PCDHA2: variants seen among roughly 807,000 people sequenced by gnomAD.
The protein encoded by PCDHA2 is protocadherin alpha-2.
A neutral mutation model predicts 66.0 loss-of-function variants in PCDHA2; 58 were observed. The observed-to-expected ratio is 0.88, with a 90% CI of 0.71 to 1.09. PCDHA2 has a LOEUF of 1.09. Ranked by LOEUF, PCDHA2 falls within the 50% of genes least tolerant of loss-of-function variation. The pLI, the probability that PCDHA2 is intolerant of heterozygous loss-of-function variation, is 0.00. For missense variants in PCDHA2, 1,267 were observed against 1,242.3 expected (o/e 1.02, Z -0.30); for synonymous variants, 634 against 554.0 (o/e 1.14, Z -2.03).
intron 1 of PCDHA2, chr5:140,929,268 AAT>A (rs782372972): frequency 7.4e-6 from 12 of 1,611,594 alleles, no homozygotes; most frequent in Non-Finnish European, 1.0e-5. Flanking sequence ...TGAATTTGCC[AAT>A]ATCCTGTATT....
At chr5:140,987,211 C>A (rs1190567678) in intron 3 of PCDHA2, among the ~76,000 whole-genome samples, 1 of 145,070 alleles carries the variant, frequency 6.9e-6, no homozygotes, top group South Asian at 2.1e-4. Flanking sequence ...GAGACTCCAT[C>A]TCAAAAAAAA....
At position 140,849,164 on chromosome 5, in the gene PCDHA2, T is replaced by G. The variant is rs2150431781; in HGVS notation, c.2388+51812T>G. 3.3e-5 allele frequency: 39 copies of G among 1,167,302 alleles called. 1 individual carries two copies. The highest frequency in any genetic ancestry group is 4.4e-5 in the Non-Finnish European group (37 of 840,698). The allele number at this position is 1,167,302 out of a possible 1,614,324, so 72.3% of individuals were successfully genotyped here. On this transcript the variant is annotated intron_variant, in intron 1 of 3. Coordinates refer to ENST00000526136, the MANE Select transcript of PCDHA2 (RefSeq NM_018905.3). The stretch of plus-strand genomic sequence containing the variant: ...CCGATGGAGGCAAACCCGAGCTGAC[T>G]GGCACCGTTCAATTACTCATCACGG...
chr5:140,882,720 G>T, intron 1 of PCDHA2: 2 of 1,614,198 alleles, frequency 1.2e-6, no homozygotes, highest in Non-Finnish European at 1.7e-6. Context: ...CCGGAAACTC[G>T]ATTTCCACTA....
Position 140,835,448 on chromosome 5 carries a change from G to T in PCDHA2, c.2388+38096G>T, listed in dbSNP as rs2150235921. On this transcript the variant is annotated intron_variant, in intron 1 of 3. Transcript: ENST00000526136. The stretch of plus-strand genomic sequence containing the variant: ...CTCCACAGTTGACTCTCACTTCCCT[G>T]TCTCTCCCTATTCCAGAGGACGCCC... 11 of 1,613,768 alleles carry T rather than the reference G, an allele frequency of 6.8e-6. No homozygotes were observed. The South Asian group carries it at 1.2e-4, about 18-fold the overall frequency.
intron 3 of PCDHA2, among the ~76,000 whole-genome samples, chr5:141,005,012 G>T (rs782256217): frequency 3.3e-5 from 5 of 152,212 alleles, no homozygotes; most frequent in Non-Finnish European, 4.4e-5. Context: ...CCTGAGAGCT[G>T]CATTATATAT....
At chr5:140,809,305 G>T in intron 1 of PCDHA2, 1 of 1,614,114 alleles carries the variant, frequency 6.2e-7, no homozygotes, top group Non-Finnish European at 8.5e-7. Context: ...CCATCTGCGC[G>T]GTGTCCAGCC....
At chr5:140,833,622 A>T (rs2150209848) in intron 1 of PCDHA2, among the ~76,000 whole-genome samples, 1 of 152,190 alleles carries the variant, frequency 6.6e-6, no homozygotes, top group East Asian at 1.9e-4. Context: ...AATTCAGAAT[A>T]CTTCCTCCTC....
At chr5:140,960,476 A>G (rs900807612) in intron 1 of PCDHA2, among the ~76,000 whole-genome samples, 3 of 152,178 alleles carry the variant, frequency 2.0e-5, no homozygotes, top group South Asian at 2.1e-4. Context: ...TCCTTCTTAC[A>G]CAGAGGTGTA....
chr5:140,871,444 A>C (rs782085925), intron 1 of PCDHA2: 1 of 1,610,088 alleles, frequency 6.2e-7, no homozygotes, highest in Non-Finnish European at 8.5e-7. Context: ...AGGTCTGAAT[A>C]AAGAGGAGGA....
At chr5:140,805,411 T>C (rs113198272) in intron 1 of PCDHA2, 1 of 1,074,058 alleles carries the variant, frequency 9.3e-7, no homozygotes, top group African/African-American at 1.7e-5. Flanking sequence ...AGAAATTTGG[T>C]GGGTTTTTTG....
intron 1 of PCDHA2, chr5:140,968,160 A>G: frequency 7.4e-6 from 12 of 1,614,104 alleles, no homozygotes; most frequent in Non-Finnish European, 1.0e-5. Context: ...ATCAATGACA[A>G]TCCACCAAGC....
At chr5:140,989,839 AGT>A (rs1161936815) in intron 3 of PCDHA2, among the ~76,000 whole-genome samples, 2 of 152,166 alleles carry the variant, frequency 1.3e-5, no homozygotes, top group Non-Finnish European at 2.9e-5. Context: ...CCTGTCAATG[AGT>A]GTGTGGACTG....
Position 140,801,563 on chromosome 5 carries a change from A to G in PCDHA2, c.2388+4211A>G, listed in dbSNP as rs1554121549. On this transcript the variant is annotated intron_variant, in intron 1 of 3. Coordinates refer to ENST00000526136, the MANE Select transcript of PCDHA2 (RefSeq NM_018905.3). ...TGCAGGTTTTCCATGTGGAGGTGGA[A>G]GTGAAGGACATTAATGACAACGCGC... 4 of 1,614,230 alleles carry G rather than the reference A, an allele frequency of 2.5e-6. No homozygotes were observed. The East Asian group carries it at 6.7e-5, about 27-fold the overall frequency.
intron 1 of PCDHA2, chr5:140,823,390 G>C: frequency 1.9e-6 from 3 of 1,612,906 alleles, no homozygotes; most frequent in Non-Finnish European, 2.5e-6. Context: ...CGCGCGCGAC[G>C]CGGGCGTGCC....
intron 1 of PCDHA2, among the ~76,000 whole-genome samples, chr5:140,907,616 G>A (rs2073492016): frequency 6.6e-6 from 1 of 152,216 alleles, no homozygotes; most frequent in Non-Finnish European, 1.5e-5. Flanking sequence ...CATATCAAGG[G>A]CTCAGTGTTG....
chr5:140,823,040 T>C (rs2150121625), intron 1 of PCDHA2: 2 of 1,614,210 alleles, frequency 1.2e-6, no homozygotes, highest in Admixed American at 1.7e-5. Context: ...GTCTATGAGC[T>C]GGTGGTGACC....
At chr5:141,000,921 C>T (rs562554000) in intron 3 of PCDHA2, among the ~76,000 whole-genome samples, 1 of 152,006 alleles carries the variant, frequency 6.6e-6, no homozygotes, top group Non-Finnish European at 1.5e-5. Flanking sequence ...AAAAAAAAAT[C>T]CTGTGTGATT....
chr5:140,914,944 CTTTTT>C (rs35695909), intron 1 of PCDHA2, among the ~76,000 whole-genome samples: 1 of 128,266 alleles, frequency 7.8e-6, no homozygotes, highest in Non-Finnish European at 1.7e-5. Context: ...GAAAAGTTGT[CTTTTT>C]TTTTTTTTTT....
chr5:140,870,731 C>G (rs782095287), intron 1 of PCDHA2: 1 of 1,613,444 alleles, frequency 6.2e-7, no homozygotes. Flanking sequence ...GGCGTGCCGC[C>G]TCTGAGCAGC....
Sources: gnomAD v4.1 joint callset for allele counts (sites outside exome capture counted in the v4.1 genomes callset) on GRCh38, gnomAD v4.1.1 for gene constraint, MANE v1.5 for transcripts, NCBI Gene and HGNC (gene_info 2026-07-23, HGNC 2026-07-21) for gene names.